PCDH15: variants seen among roughly 807,000 people sequenced by gnomAD.
PCDH15 encodes protocadherin-15.
In PCDH15, 129 loss-of-function variants were observed where a neutral mutation model predicts 178.5. The ratio of observed to expected loss-of-function variants is 0.72; its 90% CI spans 0.63 to 0.84. The LOEUF (loss-of-function observed/expected upper bound fraction) is 0.84, where lower values mean the gene tolerates loss of function less well. Ranked by LOEUF, PCDH15 falls within the 40% of genes least tolerant of loss-of-function variation. PCDH15 has a pLI of 0.00. For missense variants in PCDH15, 2,230 were observed against 2,099.9 expected (o/e 1.06, Z -1.21); for synonymous variants, 800 against 732.0 (o/e 1.09, Z -1.50).
chr10:54,029,906 G>A (rs1390411481), intron 18 of PCDH15, among the ~76,000 whole-genome samples: 2 of 152,038 alleles, frequency 1.3e-5, no homozygotes, highest in African/African-American at 4.8e-5. Flanking sequence ...CTGTATGGGT[G>A]GAATATACTA....
chr10:53,857,042 C>A, intron 28 of PCDH15, 133 bp downstream of exon 28: 2 of 705,114 alleles, frequency 2.8e-6, no homozygotes, highest in South Asian at 3.6e-5. Context: ...GAAGCCTAAA[C>A]CTCACCAATA....
In PCDH15 at chr10:54,207,364, TTGTGTGTGTGTGTATGTGTGTG is replaced by T. The variant is rs1202282589; in HGVS notation, c.1098+6550_1098+6571del. ...GAAGAAACACAAATACTGTTTTGTTTTGTGTGTGTGTGTATGTGTGTGTGTGTGTGTGTGTGTGTGTGTGTTT... is the reference window on the plus strand; with the variant it reads ...GAAGAAACACAAATACTGTTTTGTTTTGTGTGTGTGTGTGTGTGTGTGTTT... On this transcript the variant is annotated intron_variant, in intron 10 of 37. Transcript: ENST00000644397. Among the ~76,000 whole-genome samples, 5 of 87,586 alleles carry T rather than the reference TTGTGTGTGTGTGTATGTGTGTG, an allele frequency of 5.7e-5. No homozygotes were observed. The South Asian group carries it at 8.3e-4, about 14-fold the overall frequency. 57.5% of individuals were successfully genotyped at this position (87,586 alleles called of 152,430 possible). A position where few individuals can be genotyped will look rare whatever the true frequency, so the allele number is the denominator to read the frequency against.
chr10:54,797,364 A>G (rs555236536), intron 1 of PCDH15, among the ~76,000 whole-genome samples: 1 of 152,100 alleles, frequency 6.6e-6, no homozygotes, highest in East Asian at 1.9e-4. Context: ...TCTTACATTT[A>G]TAGCTTCAAT....
chr10:55,150,895 A>G (rs1471834835), intron 2 of PCDH15, among the ~76,000 whole-genome samples: 2 of 152,128 alleles, frequency 1.3e-5, no homozygotes, highest in African/African-American at 4.8e-5. Context: ...TACTAAAATA[A>G]GAAAATTAAA....
At chr10:55,007,209 GCTTCTGGTATTT>G (rs1839952010) in intron 2 of PCDH15, among the ~76,000 whole-genome samples, 1 of 152,098 alleles carries the variant, frequency 6.6e-6, no homozygotes. Context: ...AAATTACCCA[GCTTCTGGTATTT>G]CTTCATATCA....
intron 1 of PCDH15, among the ~76,000 whole-genome samples, chr10:55,246,245 T>G (rs1201819446): frequency 6.6e-6 from 1 of 152,214 alleles, no homozygotes; most frequent in Non-Finnish European, 1.5e-5. Context: ...GCATGTAGTT[T>G]CTTTTCTCAT....
intron 1 of PCDH15, among the ~76,000 whole-genome samples, chr10:54,694,435 G>T (rs564915319): frequency 3.9e-5 from 6 of 152,150 alleles, no homozygotes; most frequent in African/African-American, 1.4e-4. Context: ...GGCATACCTT[G>T]TTTTGCTGCT....
intron 32 of PCDH15, among the ~76,000 whole-genome samples, chr10:53,824,754 C>G (rs1399824527): frequency 6.6e-6 from 1 of 151,978 alleles, no homozygotes; most frequent in East Asian, 1.9e-4. Flanking sequence ...TTTGATTTCT[C>G]TTGGTAAAGC....
At chr10:55,147,677 T>G (rs2132096809) in intron 2 of PCDH15, among the ~76,000 whole-genome samples, 1 of 150,658 alleles carries the variant, frequency 6.6e-6, no homozygotes, top group East Asian at 2.0e-4. Context: ...TTATTATTAT[T>G]ATACTTTAAG....
At chr10:54,176,473 G>A (rs539575239) in intron 13 of PCDH15, among the ~76,000 whole-genome samples, 3 of 152,174 alleles carry the variant, frequency 2.0e-5, no homozygotes, top group Non-Finnish European at 4.4e-5. Context: ...ACCTGAGAGA[G>A]CTCTCAATAG....
intron 8 of PCDH15, among the ~76,000 whole-genome samples, chr10:54,314,661 A>T (rs550291929): frequency 9.9e-5 from 15 of 152,258 alleles, no homozygotes; most frequent in African/African-American, 3.6e-4. Context: ...CCCAATAGTC[A>T]TCTTTTCTGC....
intron 2 of PCDH15, chr10:54,528,469 A>G: frequency 1.6e-6 from 2 of 1,227,142 alleles, no homozygotes; most frequent in South Asian, 1.3e-5. Context: ...AAAGGAAGAG[A>G]GAATATATGT....
At position 53,871,655 on chromosome 10, in the gene PCDH15, T is replaced by C. The variant is rs890652838; in HGVS notation, c.3502-4798A>G. 7.9e-5 allele frequency among the ~76,000 whole-genome samples: 12 copies of C among 152,166 alleles called. No individual in the cohort carries two copies. In the East Asian group the frequency reaches 1.9e-3, roughly 24 times the overall value. On this transcript the variant is annotated intron_variant, in intron 26 of 37. Transcript: ENST00000644397. Reference sequence around the variant, plus strand: ...TTACTTCAGACATATTATCACACAATTGTAACTCCCTTATAACTCTACTTT... The same window carrying C: ...TTACTTCAGACATATTATCACACAACTGTAACTCCCTTATAACTCTACTTT...
At chr10:54,493,952 C>T (rs546970996) in intron 3 of PCDH15, among the ~76,000 whole-genome samples, 13 of 151,528 alleles carry the variant, frequency 8.6e-5, no homozygotes, top group South Asian at 4.2e-4. Context: ...TGGATGAAAT[C>T]GGAAATCATC....
In PCDH15 at chr10:55,288,725, C is replaced by T. The variant is rs563671049; in HGVS notation, c.-156+30874G>A. ...GCAGGATCTCCTTTTTGGTAAATAC[C>T]GAATAAGATTTCATTGTATGTACAT... On this transcript the variant is annotated intron_variant, in intron 1 of 5. Coordinates refer to the PCDH15 transcript ENST00000458638. Among the ~76,000 whole-genome samples the T allele has an allele frequency of 2.0e-5, 3 of 151,878 alleles. No homozygotes were observed. In the South Asian group the frequency reaches 6.2e-4, roughly 32 times the overall value.
chr10:54,567,497 C>G (rs935243662), intron 2 of PCDH15, among the ~76,000 whole-genome samples: 1 of 152,022 alleles, frequency 6.6e-6, no homozygotes, highest in Non-Finnish European at 1.5e-5. Flanking sequence ...CATTTTTTAT[C>G]AATGCTTTTA....
intron 2 of PCDH15, among the ~76,000 whole-genome samples, chr10:54,638,820 C>T (rs2093923063): frequency 6.6e-6 from 1 of 151,958 alleles, no homozygotes; most frequent in South Asian, 2.1e-4. Context: ...ATAAAGAAAA[C>T]ATGGTATATA....
At chr10:55,072,097 A>T in intron 2 of PCDH15, among the ~76,000 whole-genome samples, 1 of 152,186 alleles carries the variant, frequency 6.6e-6, no homozygotes, top group East Asian at 1.9e-4. Context: ...CATTCAAAAC[A>T]ATGTGTAGAG....
At chr10:55,499,373 T>C (rs919428041) in intron 2 of PCDH15, among the ~76,000 whole-genome samples, 7 of 149,476 alleles carry the variant, frequency 4.7e-5, no homozygotes, top group African/African-American at 1.7e-4. Flanking sequence ...AAAGGAGCAA[T>C]TTAAACTATC....
Sources: allele counts gnomAD v4.1 joint callset (sites outside exome capture counted in the v4.1 genomes callset), GRCh38; gene constraint gnomAD v4.1.1; transcripts MANE v1.5; gene names NCBI Gene and HGNC (gene_info 2026-07-23, HGNC 2026-07-21).